ADPRHL1: variants seen among roughly 807,000 people sequenced by gnomAD.
ADPRHL1 encodes inactive ADP-ribosyltransferase ARH2.
A neutral mutation model predicts 44.1 loss-of-function variants in ADPRHL1; 43 were observed. That is an observed-to-expected ratio of 0.98 (90% CI 0.76 to 1.26). The LOEUF (loss-of-function observed/expected upper bound fraction) is 1.26, where lower values mean the gene tolerates loss of function less well. Among genes scored for constraint, ADPRHL1 ranks in the 50% most tolerant of loss-of-function variants. The probability of loss-of-function intolerance (pLI) is 0.00; values close to 1 mark genes in which losing one functional copy is unlikely to be tolerated. For missense variants in ADPRHL1, 2,022 were observed against 2,496.9 expected (o/e 0.81, Z 4.05); for synonymous variants, 878 against 1,017.4 (o/e 0.86, Z 2.61).
intron 7 of ADPRHL1, among the ~76,000 whole-genome samples, chr13:113,419,866 A>G (rs1391889228): frequency 1.3e-5 from 2 of 152,194 alleles, no homozygotes; most frequent in African/African-American, 4.8e-5. Flanking sequence ...GTGGCATAGC[A>G]CACACATGCA....
chr13:113,415,711 A>T (rs1249922886), intron 7 of ADPRHL1, among the ~76,000 whole-genome samples: 32 of 138,812 alleles, frequency 2.3e-4, no homozygotes, highest in African/African-American at 8.6e-4. Flanking sequence ...AGATCGTGCC[A>T]CTTCACTCCA....
intron 7 of ADPRHL1, among the ~76,000 whole-genome samples, chr13:113,416,561 C>T (rs2043888221): frequency 6.6e-6 from 1 of 152,140 alleles, no homozygotes; most frequent in East Asian, 1.9e-4. Flanking sequence ...CCTAGGGTCC[C>T]TCAGTACCTG....
chr13:113,406,477 G>A lies in ADPRHL1; in HGVS notation c.2805C>T (p.Ala935=), dbSNP rs573402147. Residue 935 remains alanine, a synonymous_variant, in exon 8 of 8, where the codon GCC becomes GCT. Transcript: ENST00000612156. ...RLAAARGAVG[A]DHSVPETLLT... is the part of the protein sequence containing the mutation. ...GAAGTGTCTCTGGGACACTGTGGTC[G>A]GCGCCCACAGCCCCTCTTGCTGCTG... The A allele has an allele frequency of 1.1e-4, 132 of 1,231,928 alleles. No homozygotes were observed. The highest frequency in any genetic ancestry group is 9.4e-4 in the Middle Eastern group (3 of 3,208). The allele number at this position is 1,231,928 out of a possible 1,614,324, so 76.3% of individuals were successfully genotyped here. A position where few individuals can be genotyped will look rare whatever the true frequency, so the allele number is the denominator to read the frequency against.
intron 7 of ADPRHL1, among the ~76,000 whole-genome samples, chr13:113,410,480 C>T (rs540299505): frequency 6.6e-6 from 1 of 152,326 alleles, no homozygotes; most frequent in Admixed American, 6.5e-5. Flanking sequence ...GAGACATTTA[C>T]ACGAAAACTA....
intron 2 of ADPRHL1, among the ~76,000 whole-genome samples, chr13:113,442,999 A>G (rs2044109431): frequency 6.6e-6 from 1 of 152,184 alleles, no homozygotes; most frequent in Non-Finnish European, 1.5e-5. Flanking sequence ...AAAATGAGAC[A>G]TTATAGTTTT....
intron 4 of ADPRHL1, among the ~76,000 whole-genome samples, chr13:113,427,015 C>A (rs576919650): frequency 6.6e-6 from 1 of 152,286 alleles, no homozygotes; most frequent in South Asian, 2.1e-4. Flanking sequence ...CAAGGGAATT[C>A]ATGAAACTCT....
chr13:113,435,865 T>C (rs1211420771), intron 2 of ADPRHL1, among the ~76,000 whole-genome samples: 2 of 83,998 alleles, frequency 2.4e-5, no homozygotes, highest in Admixed American at 1.2e-4. Flanking sequence ...GGCACCCAGG[T>C]GTAGAGTGAA....
chr13:113,423,060 G>A (rs2043938484), intron 6 of ADPRHL1, 81 bp from the exon 7 acceptor site: 1 of 1,577,054 alleles, frequency 6.3e-7, no homozygotes, highest in South Asian at 1.2e-5. Flanking sequence ...CCGCCCCTAA[G>A]GTGGGCCAAA....
At chr13:113,415,207 A>G (rs1458408755) in intron 7 of ADPRHL1, among the ~76,000 whole-genome samples, 6 of 152,158 alleles carry the variant, frequency 3.9e-5, no homozygotes, top group Non-Finnish European at 8.8e-5. Context: ...GTCAGCCTAG[A>G]GGGACGAGAG....
Position 113,453,198 on chromosome 13 carries a change from A to G in ADPRHL1, c.214+26T>C. 3 of 1,612,994 alleles carry G rather than the reference A, an allele frequency of 1.9e-6. No individual in the cohort carries two copies. Among genetic ancestry groups the G allele is most frequent in the Non-Finnish European group, 2.5e-6 (3 of 1,179,404 alleles). On this transcript the variant is annotated intron_variant, in intron 1 of 7. Transcript: ENST00000612156. The surrounding 1 kb of genome is among the most constrained non-coding windows in gnomAD (Gnocchi z 5.4). Reference sequence around the variant, plus strand: ...AGCCAGTGTTCCCTCCAGCCCGCACACCGGAGCGCGGTGGGCCCAGCCTAC... The same window carrying G: ...AGCCAGTGTTCCCTCCAGCCCGCACGCCGGAGCGCGGTGGGCCCAGCCTAC...
At chr13:113,418,419 C>T (rs1208257407) in intron 7 of ADPRHL1, among the ~76,000 whole-genome samples, 2 of 152,202 alleles carry the variant, frequency 1.3e-5, no homozygotes, top group Admixed American at 6.5e-5. Flanking sequence ...TCCCTGGATC[C>T]GCTTCCTCCA....
At chr13:113,429,714 G>A (rs1387826973) in intron 3 of ADPRHL1, among the ~76,000 whole-genome samples, 1 of 152,228 alleles carries the variant, frequency 6.6e-6, no homozygotes, top group African/African-American at 2.4e-5. Flanking sequence ...CGACCCCGCA[G>A]AGCTCTGGGT....
Position 113,407,109 on chromosome 13 carries a change from A to G in ADPRHL1, c.2173T>C (p.Ser725Pro). The G allele has an allele frequency of 8.1e-7, 1 of 1,232,168 alleles. No individual in the cohort carries two copies. Among genetic ancestry groups the G allele is most frequent in the Non-Finnish European group, 1.0e-6 (1 of 988,066 alleles). 76.3% of individuals were successfully genotyped at this position (1,232,168 alleles called of 1,614,324 possible). ...GVLPGLVPAS[S>P]PLGPASPWGT... Reference sequence around the variant, plus strand: ...CAAGGGCTGGCCGGTCCCAGTGGGGATGATGCAGGCACAAGGCCAGGAAGG... The same window carrying G: ...CAAGGGCTGGCCGGTCCCAGTGGGGGTGATGCAGGCACAAGGCCAGGAAGG... Residue 725 changes from serine (S) to proline (P), a missense_variant, in exon 8 of 8, where the codon TCC (serine) becomes CCC (proline). Ser to Pro is a moderately conservative substitution (Grantham distance 74, BLOSUM62 -1). This residue lies in a region of ADPRHL1 where 1,221 missense variants were observed against 1,517.8 expected (regional missense o/e 0.80). Coordinates refer to ENST00000612156, the MANE Select transcript of ADPRHL1 (RefSeq NM_001394807.1).
In ADPRHL1 at chr13:113,429,126, A is replaced by T. The variant is rs1566474937; in HGVS notation, c.506-34T>A. On this transcript the variant is annotated intron_variant, in intron 3 of 7. Transcript: ENST00000612156. ...CAGGGAAGAGAGAGGGGGCACCATC[A>T]CCTGGGCCGCTTGGGAGGGCCTGGG... is the stretch of plus-strand genomic sequence containing the variant. 2.5e-6 allele frequency: 4 copies of T among 1,586,850 alleles called. No individual in the cohort carries two copies. The Admixed American group carries it at 5.4e-5, about 21-fold the overall frequency.
At chr13:113,417,501 G>C (rs571516446) in intron 7 of ADPRHL1, among the ~76,000 whole-genome samples, 8 of 152,028 alleles carry the variant, frequency 5.3e-5, no homozygotes, top group African/African-American at 1.4e-4. Flanking sequence ...CCCTGCCTTT[G>C]TCTGTCTGTC....
intron 7 of ADPRHL1, among the ~76,000 whole-genome samples, chr13:113,408,755 G>A (rs1353835994): frequency 6.7e-6 from 1 of 150,326 alleles, no homozygotes; most frequent in Admixed American, 6.6e-5. Context: ...GCTCAGGCTT[G>A]GGGTGGGCGG....
chr13:113,446,141 C>G (rs1298072888), intron 1 of ADPRHL1, among the ~76,000 whole-genome samples: 1 of 144,098 alleles, frequency 6.9e-6, no homozygotes, highest in Non-Finnish European at 1.5e-5. Flanking sequence ...TCCCCCCTCC[C>G]CCCCAGAGAG....
At chr13:113,447,191 C>T (rs1328160234) in intron 1 of ADPRHL1, among the ~76,000 whole-genome samples, 15 of 121,186 alleles carry the variant, frequency 1.2e-4, no homozygotes, top group South Asian at 2.9e-4. Flanking sequence ...GGCGTCTACA[C>T]GCACGGTGTT....
rs114419086 is a variant in ADPRHL1 at position 113,432,912 on chromosome 13, G to A, written c.505+830C>T. 4.5e-3 allele frequency among the ~76,000 whole-genome samples: 684 copies of A among 152,228 alleles called. 5 individuals carry two copies. The highest frequency in any genetic ancestry group is 0.015 in the African/African-American group (606 of 41,520). On this transcript the variant is annotated intron_variant, in intron 3 of 7. Coordinates refer to ENST00000612156, the MANE Select transcript of ADPRHL1 (RefSeq NM_001394807.1). ...TGCTTTTTTTAAATGGAAGCCAACC[G>A]AGCCGCCTCCTCATTACCTTTCAAA...
Sources: allele counts gnomAD v4.1 joint callset (sites outside exome capture counted in the v4.1 genomes callset), GRCh38; gene constraint gnomAD v4.1.1; regional missense constraint gnomAD v4.1.1; non-coding constraint Gnocchi (gnomAD v3.1); transcripts MANE v1.5; gene names NCBI Gene and HGNC (gene_info 2026-07-23, HGNC 2026-07-21).